The following CNTNAP2 variants were observed in gnomAD, a reference collection of about 807,000 sequenced individuals.
The protein encoded by CNTNAP2 is contactin associated protein 2, also known as contactin-associated protein-like 2.
CNTNAP2 carries 98 observed loss-of-function variants against 155.2 expected under a neutral mutation model. That is an observed-to-expected ratio of 0.63 (90% CI 0.54 to 0.75). CNTNAP2 has a LOEUF of 0.75. CNTNAP2 is among the 30% of genes least tolerant of loss of function. The pLI is 0.00. For missense variants in CNTNAP2, 1,727 were observed against 1,688.1 expected (o/e 1.02, Z -0.40); for synonymous variants, 651 against 631.2 (o/e 1.03, Z -0.47).
At chr7:146,622,194 T>TATATAC (rs1799332996) in intron 1 of CNTNAP2, among the ~76,000 whole-genome samples, 1 of 147,296 alleles carries the variant, frequency 6.8e-6, no homozygotes, top group African/African-American at 2.6e-5. Context: ...CATATATACA[T>TATATAC]ATATATACAC....
chr7:146,369,029 G>GTATATATATATATATATATACATATA (rs1795194318), intron 1 of CNTNAP2, among the ~76,000 whole-genome samples: 3 of 137,374 alleles, frequency 2.2e-5, no homozygotes, highest in African/African-American at 8.1e-5. Flanking sequence ...AAAGCATTAT[G>GTATATATATATATATATATACATATA]TATATATATA....
chr7:147,903,589 T>C lies in CNTNAP2; in HGVS notation c.2123T>C (p.Val708Ala), dbSNP rs148453565. The part of the protein sequence containing the change: ...TPDGSPYTWW[V>A]GKANEKHYYW... ...GATGGAAGCCCTTACACTTGGTGGG[T>C]TGGCAAAGCCAACGAGAAGCACTAC... The change falls in exon 14 of 24, where the codon GTT becomes GCT. Residue 708 changes from valine (V) to alanine (A), a missense_variant. By Grantham distance (64) the Val-to-Ala change is moderately conservative. Coordinates refer to ENST00000361727, the MANE Select transcript of CNTNAP2 (RefSeq NM_014141.6). The C allele has an allele frequency of 2.7e-4, 433 of 1,614,012 alleles. No individual in the cohort carries two copies. In the African/African-American group the frequency reaches 4.8e-3, roughly 18 times the overall value.
At chr7:146,991,778 C>T (rs1027022454) in intron 3 of CNTNAP2, among the ~76,000 whole-genome samples, 18 of 152,076 alleles carry the variant, frequency 1.2e-4, no homozygotes, top group African/African-American at 4.3e-4. Context: ...AAACTCAACA[C>T]GATCATTTTT....
chr7:148,344,161 C>A (rs556540898), intron 21 of CNTNAP2, among the ~76,000 whole-genome samples: 1 of 152,284 alleles, frequency 6.6e-6, no homozygotes, highest in South Asian at 2.1e-4. Flanking sequence ...CAGATTTTTT[C>A]ACTTACTCCA....
rs139882786 is a variant in CNTNAP2, at chr7:146,699,483, T to A, written c.98-74788T>A. On this transcript the variant is annotated intron_variant, in intron 1 of 23. Coordinates refer to ENST00000361727, the MANE Select transcript of CNTNAP2 (RefSeq NM_014141.6). ...TCATAATTAGGTCTCAGTGTTTTAG[T>A]GAGCCTGGGCCCCTGGGTTGTGACC... Among the ~76,000 whole-genome samples, 338 of 152,282 alleles carry A rather than the reference T, an allele frequency of 2.2e-3. 2 individuals are homozygous for A. The highest frequency in any genetic ancestry group is 5.9e-3 in the African/African-American group (244 of 41,566).
intron 1 of CNTNAP2, among the ~76,000 whole-genome samples, chr7:146,752,667 G>T (rs1202888341): frequency 6.6e-6 from 1 of 152,054 alleles, no homozygotes; most frequent in Non-Finnish European, 1.5e-5. Context: ...CATTGCTTTT[G>T]GTGTTACAGA....
At chr7:147,240,876 T>A (rs760159192) in intron 8 of CNTNAP2, among the ~76,000 whole-genome samples, 1 of 152,212 alleles carries the variant, frequency 6.6e-6, no homozygotes, top group Non-Finnish European at 1.5e-5. Context: ...CATACAGACA[T>A]TTGGTACCAA....
At chr7:147,788,095 A>G (rs117624610) in intron 13 of CNTNAP2, among the ~76,000 whole-genome samples, 46 of 152,308 alleles carry the variant, frequency 3.0e-4, no homozygotes, top group Non-Finnish European at 5.6e-4. Context: ...ATCCTTTGCC[A>G]CTAGAAATGC....
chr7:147,820,007 A>C (rs1055444332), intron 13 of CNTNAP2, among the ~76,000 whole-genome samples: 3 of 152,080 alleles, frequency 2.0e-5, no homozygotes, highest in Non-Finnish European at 4.4e-5. Flanking sequence ...ATTTTTTTAA[A>C]ATTCTACCTA....
intron 13 of CNTNAP2, among the ~76,000 whole-genome samples, chr7:147,728,380 T>C (rs1796680827): frequency 6.6e-6 from 1 of 152,056 alleles, no homozygotes; most frequent in African/African-American, 2.4e-5. Flanking sequence ...CATATATTAT[T>C]TTGGAAAAAG....
At chr7:146,914,780 G>A (rs985042886) in intron 3 of CNTNAP2, among the ~76,000 whole-genome samples, 1 of 152,018 alleles carries the variant, frequency 6.6e-6, no homozygotes, top group Non-Finnish European at 1.5e-5. Flanking sequence ...TTCTTTTGCT[G>A]TGCAGAAAGA....
intron 1 of CNTNAP2, among the ~76,000 whole-genome samples, chr7:146,213,451 T>G (rs1354165653): frequency 6.6e-6 from 1 of 152,204 alleles, no homozygotes; most frequent in Non-Finnish European, 1.5e-5. Flanking sequence ...TTGTCATTTA[T>G]TTACATGACG....
chr7:148,042,834 TA>T (rs1266676298), intron 15 of CNTNAP2, among the ~76,000 whole-genome samples: 1 of 152,174 alleles, frequency 6.6e-6, no homozygotes, highest in Admixed American at 6.5e-5. Flanking sequence ...GAAAAATGCT[TA>T]AAACCCCACC....
chr7:148,132,339 T>C (rs6967121), intron 16 of CNTNAP2, among the ~76,000 whole-genome samples: 28,762 of 151,882 alleles, frequency 0.19, 3,843 homozygotes, highest in African/African-American at 0.38. Flanking sequence ...TTTAAAAAGA[T>C]GTTTCTATTT....
chr7:147,448,354 AT>A (rs1554485972), intron 10 of CNTNAP2, among the ~76,000 whole-genome samples: 1 of 152,008 alleles, frequency 6.6e-6, no homozygotes, highest in Non-Finnish European at 1.5e-5. Flanking sequence ...TGTTAGCAGT[AT>A]TTTTTCCCCA....
At chr7:147,624,334 G>T (rs1794929341) in intron 12 of CNTNAP2, among the ~76,000 whole-genome samples, 1 of 152,086 alleles carries the variant, frequency 6.6e-6, no homozygotes, top group Non-Finnish European at 1.5e-5. Flanking sequence ...CATAATGGGA[G>T]AAAATATTTG....
At chr7:148,293,041 C>A (rs190677128) in intron 21 of CNTNAP2, among the ~76,000 whole-genome samples, 1 of 150,672 alleles carries the variant, frequency 6.6e-6, no homozygotes, top group Non-Finnish European at 1.5e-5. Context: ...GGGAGCACAG[C>A]GCAGTTGTAT....
At chr7:147,336,386 T>C (rs1046340466) in intron 9 of CNTNAP2, among the ~76,000 whole-genome samples, 3 of 152,126 alleles carry the variant, frequency 2.0e-5, no homozygotes, top group Non-Finnish European at 4.4e-5. Context: ...GAAAAGCCTT[T>C]CAACAGGAGT....
chr7:147,047,093 TAA>T (rs1286713252), intron 4 of CNTNAP2, among the ~76,000 whole-genome samples: 3 of 148,400 alleles, frequency 2.0e-5, no homozygotes, highest in African/African-American at 7.4e-5. Context: ...TCATTTTAGT[TAA>T]GTTATGTTTC....
Sources: gnomAD v4.1 joint callset for allele counts (sites outside exome capture counted in the v4.1 genomes callset) on GRCh38, gnomAD v4.1.1 for gene constraint, MANE v1.5 for transcripts, NCBI Gene and HGNC (gene_info 2026-07-23, HGNC 2026-07-21) for gene names.